The following ASIC2 variants were observed in gnomAD, a reference collection of about 807,000 sequenced individuals.
ASIC2 encodes acid sensing ion channel subunit 2.
In ASIC2, 25 loss-of-function variants were observed where a neutral mutation model predicts 57.3. The observed-to-expected ratio is 0.44, with a 90% CI of 0.32 to 0.61. The LOEUF (loss-of-function observed/expected upper bound fraction) is 0.61. Among genes scored for constraint, ASIC2 ranks in the 20% least tolerant of loss-of-function variants. The pLI is 0.06. For missense variants in ASIC2, 641 were observed against 738.1 expected (o/e 0.87, Z 1.52); for synonymous variants, 319 against 307.5 (o/e 1.04, Z -0.39).
At chr17:33,643,200 T>C (rs1906637380) in intron 1 of ASIC2, among the ~76,000 whole-genome samples, 2 of 151,876 alleles carry the variant, frequency 1.3e-5, no homozygotes, top group Non-Finnish European at 2.9e-5. Flanking sequence ...TTACAAATTA[T>C]GACATCTTGC....
At chr17:33,075,293 A>G (rs911137287) in intron 3 of ASIC2, among the ~76,000 whole-genome samples, 2 of 152,062 alleles carry the variant, frequency 1.3e-5, no homozygotes, top group Non-Finnish European at 2.9e-5. Flanking sequence ...CATGATTGTG[A>G]GGCCTCCCTA....
In ASIC2 at chr17:33,095,440, T is replaced by C. The variant is rs2092174639; in HGVS notation, c.860-6450A>G. On this transcript the variant is annotated intron_variant, in intron 2 of 9. Transcript: ENST00000225823. ...CAGGGTCAATGTTCATTTATGTTTA[T>C]AATCACAGTGCCTGGCATGCAGTAG... 3.3e-5 allele frequency among the ~76,000 whole-genome samples: 5 copies of C among 152,376 alleles called. No individual in the cohort carries two copies. The South Asian group carries it at 1.0e-3, about 32-fold the overall frequency.
chr17:33,627,475 A>G (rs1906023378), intron 1 of ASIC2, among the ~76,000 whole-genome samples: 1 of 152,178 alleles, frequency 6.6e-6, no homozygotes, highest in Non-Finnish European at 1.5e-5. Flanking sequence ...TAGAAGGGGA[A>G]CTAAATTCCA....
At chr17:34,150,714 A>C (rs919568108) in intron 1 of ASIC2, among the ~76,000 whole-genome samples, 1 of 152,172 alleles carries the variant, frequency 6.6e-6, no homozygotes, top group Non-Finnish European at 1.5e-5. Flanking sequence ...GATTATGGGA[A>C]TGGGAAGGGG....
intron 1 of ASIC2, among the ~76,000 whole-genome samples, chr17:33,440,976 TC>T (rs1213562934): frequency 5.3e-5 from 8 of 152,306 alleles, no homozygotes; most frequent in African/African-American, 1.7e-4. Context: ...TCTTTTCTTT[TC>T]TTTTTTTTAA....
chr17:33,328,327 T>G (rs535634443), intron 1 of ASIC2, among the ~76,000 whole-genome samples: 8 of 152,236 alleles, frequency 5.3e-5, no homozygotes, highest in African/African-American at 1.9e-4. Flanking sequence ...GTGCTGGCCA[T>G]GGTGCTGATG....
At chr17:33,500,101 A>G (rs954340659) in intron 1 of ASIC2, among the ~76,000 whole-genome samples, 21 of 152,340 alleles carry the variant, frequency 1.4e-4, no homozygotes, top group African/African-American at 5.1e-4. Flanking sequence ...GACTACATAC[A>G]GAAAAAAAAT....
intron 1 of ASIC2, chr17:34,003,149 A>G (rs1006706568): frequency 3.3e-5 from 5 of 152,218 alleles, no homozygotes; most frequent in Non-Finnish European, 5.9e-5. Context: ...TCCTATCTCA[A>G]GTAGTTCACG....
rs560128233 is a variant in ASIC2 at position 33,572,871 on chromosome 17, T to C, written c.556-460804A>G. Among the ~76,000 whole-genome samples, 4 of 152,336 alleles carry C rather than the reference T, an allele frequency of 2.6e-5. No individual in the cohort carries two copies. The South Asian group carries it at 6.2e-4, about 24-fold the overall frequency. Reference sequence around the variant, plus strand: ...CACACAGCTGTCATCTCTGGGAACATTCCATTCTCTGCCCTCCTCCTGCCT... The same window carrying C: ...CACACAGCTGTCATCTCTGGGAACACTCCATTCTCTGCCCTCCTCCTGCCT... On this transcript the variant is annotated intron_variant, in intron 1 of 9. Coordinates refer to the ASIC2 transcript ENST00000359872.
intron 1 of ASIC2, among the ~76,000 whole-genome samples, chr17:33,356,721 G>A (rs557984374): frequency 5.9e-5 from 9 of 152,160 alleles, no homozygotes; most frequent in African/African-American, 1.2e-4. Flanking sequence ...TGGATGGAGC[G>A]CCTCAGTCCC....
intron 1 of ASIC2, among the ~76,000 whole-genome samples, chr17:33,621,500 T>C (rs1385564934): frequency 2.0e-5 from 3 of 152,198 alleles, no homozygotes; most frequent in African/African-American, 7.2e-5. Context: ...TGTACGCTGG[T>C]TCATCCTGAT....
intron 1 of ASIC2, among the ~76,000 whole-genome samples, chr17:33,526,881 G>T (rs935578429): frequency 1.3e-5 from 2 of 152,206 alleles, no homozygotes; most frequent in African/African-American, 4.8e-5. Flanking sequence ...ATTCCTCATG[G>T]TCGAATGCAT....
At chr17:33,421,662 T>C (rs1911049271) in intron 1 of ASIC2, among the ~76,000 whole-genome samples, 1 of 152,180 alleles carries the variant, frequency 6.6e-6, no homozygotes, top group Non-Finnish European at 1.5e-5. Flanking sequence ...GTGAGGTTTG[T>C]TTTTCAGTTT....
intron 2 of ASIC2, 196 bp downstream of exon 2, chr17:33,111,721 C>T: frequency 1.5e-6 from 1 of 646,350 alleles, no homozygotes; most frequent in Non-Finnish European, 2.4e-6. Flanking sequence ...GTCCCTCTCT[C>T]ACATAGTAAA....
At chr17:33,536,166 G>C (rs1915222545) in intron 1 of ASIC2, among the ~76,000 whole-genome samples, 1 of 148,792 alleles carries the variant, frequency 6.7e-6, no homozygotes, top group African/African-American at 2.4e-5. Flanking sequence ...ATGTGCTTCT[G>C]AGCCGCTTCC....
chr17:33,131,233 T>A (rs887774194), intron 1 of ASIC2, among the ~76,000 whole-genome samples: 3 of 152,130 alleles, frequency 2.0e-5, no homozygotes, highest in African/African-American at 7.2e-5. Flanking sequence ...GGCTAAGGGA[T>A]GAGTGTCTGC....
At chr17:33,796,294 C>T (rs937066048) in intron 1 of ASIC2, among the ~76,000 whole-genome samples, 8 of 152,094 alleles carry the variant, frequency 5.3e-5, no homozygotes, top group Non-Finnish European at 8.8e-5. Context: ...ATGCTAAGCA[C>T]ATCTGGGTCA....
intron 1 of ASIC2, among the ~76,000 whole-genome samples, chr17:33,363,061 T>C (rs1384195868): frequency 6.6e-6 from 1 of 152,240 alleles, no homozygotes; most frequent in African/African-American, 2.4e-5. Context: ...AGTTGCCTAA[T>C]ATATGGGCCC....
intron 1 of ASIC2, among the ~76,000 whole-genome samples, chr17:33,458,133 G>A (rs1912514217): frequency 1.3e-5 from 2 of 152,140 alleles, no homozygotes. Context: ...GGAGTGGAAG[G>A]GGTTCCAGAC....
Sources: gnomAD v4.1 joint callset for allele counts (sites outside exome capture counted in the v4.1 genomes callset) on GRCh38, gnomAD v4.1.1 for gene constraint, MANE v1.5 for transcripts, NCBI Gene and HGNC (gene_info 2026-07-23, HGNC 2026-07-21) for gene names.